The following CPNE4 variants were observed in gnomAD, a reference collection of about 807,000 sequenced individuals.
CPNE4 encodes copine-4.
A neutral mutation model predicts 67.9 loss-of-function variants in CPNE4; 25 were observed. That is an observed-to-expected ratio of 0.37 (90% confidence interval 0.27 to 0.51). The LOEUF (loss-of-function observed/expected upper bound fraction) is 0.51. Among genes scored for constraint, CPNE4 ranks in the 20% least tolerant of loss-of-function variants. The pLI, the probability that CPNE4 is intolerant of heterozygous loss-of-function variation, is 0.93. For missense variants in CPNE4, 464 were observed against 690.8 expected (o/e 0.67, Z 3.68); for synonymous variants, 242 against 244.9 (o/e 0.99, Z 0.11).
At chr3:131,788,240 A>C (rs1164076734) in intron 2 of CPNE4, among the ~76,000 whole-genome samples, 1 of 149,114 alleles carries the variant, frequency 6.7e-6, no homozygotes, top group African/African-American at 2.5e-5. Context: ...AAGACAAATA[A>C]ACAATTGAAA....
At chr3:132,013,095 C>A (rs1014138263) in intron 1 of CPNE4, among the ~76,000 whole-genome samples, 2 of 151,932 alleles carry the variant, frequency 1.3e-5, no homozygotes, top group Non-Finnish European at 2.9e-5. Flanking sequence ...TAGGGGTGGA[C>A]GCCTGTAATC....
At chr3:131,632,755 T>C (rs1278575929) in intron 7 of CPNE4, among the ~76,000 whole-genome samples, 1 of 152,166 alleles carries the variant, frequency 6.6e-6, no homozygotes, top group African/African-American at 2.4e-5. Flanking sequence ...TTTTCTTCTC[T>C]TATGCTCAGG....
intron 11 of CPNE4, among the ~76,000 whole-genome samples, chr3:131,556,757 C>T (rs1936478387): frequency 6.6e-6 from 1 of 152,104 alleles, no homozygotes; most frequent in South Asian, 2.1e-4. Context: ...ATCTTATGCA[C>T]ACTGGAGTTT....
intron 2 of CPNE4, among the ~76,000 whole-genome samples, chr3:131,736,092 C>A (rs1266244382): frequency 6.6e-6 from 1 of 152,190 alleles, no homozygotes; most frequent in African/African-American, 2.4e-5. Flanking sequence ...TTAAGTAGGG[C>A]CACACAGCTT....
intron 6 of CPNE4, among the ~76,000 whole-genome samples, chr3:131,680,066 C>CT (rs2107671343): frequency 6.6e-6 from 1 of 152,186 alleles, no homozygotes; most frequent in East Asian, 1.9e-4. Context: ...GTCTAAATCT[C>CT]TTTGAAGGTC....
intron 7 of CPNE4, among the ~76,000 whole-genome samples, chr3:131,631,619 G>A (rs2107778417): frequency 6.6e-6 from 1 of 152,162 alleles, no homozygotes; most frequent in South Asian, 2.1e-4. Flanking sequence ...TTTTTCTTCA[G>A]TTAATAATAA....
intron 2 of CPNE4, among the ~76,000 whole-genome samples, chr3:131,735,792 T>C (rs2082221597): frequency 6.6e-6 from 1 of 152,244 alleles, no homozygotes; most frequent in African/African-American, 2.4e-5. Flanking sequence ...CAGTATTTTT[T>C]ATTATATTAA....
intron 2 of CPNE4, among the ~76,000 whole-genome samples, chr3:131,802,929 ACTTTAATGC>A (rs1203303910): frequency 2.0e-5 from 3 of 152,182 alleles, no homozygotes; most frequent in African/African-American, 7.2e-5. Context: ...CTAAATTGGC[ACTTTAATGC>A]CTTGGGTTTT....
At chr3:132,030,310 A>C (rs1447674056) in intron 1 of CPNE4, among the ~76,000 whole-genome samples, 4 of 152,156 alleles carry the variant, frequency 2.6e-5, no homozygotes, top group African/African-American at 7.2e-5. Context: ...CATTTGTCAA[A>C]TTAAATTGCT....
rs1935042280 is a variant in CPNE4 at position 131,534,783 on chromosome 3, C to T, written c.*412G>A. On this transcript the variant is annotated 3_prime_UTR_variant, in exon 16 of 16. Coordinates refer to ENST00000429747, the MANE Select transcript of CPNE4 (RefSeq NM_130808.3). The stretch of plus-strand genomic sequence containing the variant: ...CCATGCATCTGCCATTTTAAAAAGT[C>T]TCTCATCCTATAGCAGATAAAACCA... 6.5e-6 allele frequency: 1 copy of T among 154,002 alleles called. No individual in the cohort carries two copies. The highest frequency in any genetic ancestry group is 1.4e-5 in the Non-Finnish European group (1 of 69,076). The allele number at this position is 154,002 out of a possible 1,614,324, so 9.5% of individuals were successfully genotyped here.
rs745997526 is a variant in CPNE4, at chr3:131,542,779, C to T, written c.1317G>A (p.Leu439=). 3 of 1,611,792 alleles carry T rather than the reference C, an allele frequency of 1.9e-6. No homozygotes were observed. In the South Asian group the frequency reaches 3.3e-5, roughly 18 times the overall value. ...NTKEASQYFI[L]LILTDGVITD... is the part of the protein sequence containing the mutation. ...TGATAACACCATCTGTCAGGATCAG[C>T]AGGATGAAGTATTGCTGCAGTCAGA... Residue 439 remains leucine (L), a synonymous_variant, in exon 15 of 16, where the codon CTG becomes CTA. Transcript: ENST00000429747.
intron 1 of CPNE4, among the ~76,000 whole-genome samples, chr3:132,020,905 T>C (rs919151618): frequency 5.9e-5 from 9 of 152,192 alleles, no homozygotes; most frequent in African/African-American, 2.2e-4. Flanking sequence ...TCAACCCCAC[T>C]TCCATAAGCC....
chr3:131,767,023 G>A (rs1284900000), intron 2 of CPNE4, among the ~76,000 whole-genome samples: 1 of 152,154 alleles, frequency 6.6e-6, no homozygotes, highest in Non-Finnish European at 1.5e-5. Context: ...TGTTGTTGAA[G>A]CAGGGTTTTA....
chr3:131,820,638 G>A (rs2084928165), intron 2 of CPNE4, among the ~76,000 whole-genome samples: 1 of 152,132 alleles, frequency 6.6e-6, no homozygotes, highest in African/African-American at 2.4e-5. Flanking sequence ...AGAAGTTCTG[G>A]TATCCAGAAA....
chr3:131,732,233 A>G (rs2082143922), intron 2 of CPNE4, among the ~76,000 whole-genome samples: 1 of 152,216 alleles, frequency 6.6e-6, no homozygotes, highest in Non-Finnish European at 1.5e-5. Context: ...ACTATAGGAC[A>G]TAAGGAATGA....
intron 2 of CPNE4, among the ~76,000 whole-genome samples, chr3:131,801,695 A>G (rs1412328395): frequency 6.7e-6 from 1 of 150,326 alleles, no homozygotes; most frequent in Non-Finnish European, 1.5e-5. Context: ...AGTGCTTTCC[A>G]AAACTGGGCA....
chr3:131,749,129 T>C (rs2082561655), intron 2 of CPNE4, among the ~76,000 whole-genome samples: 1 of 152,152 alleles, frequency 6.6e-6, no homozygotes, highest in Non-Finnish European at 1.5e-5. Context: ...GATTTTGATG[T>C]TGTATTTTCA....
At chr3:131,881,895 C>T (rs1291613375) in intron 2 of CPNE4, among the ~76,000 whole-genome samples, 8 of 152,132 alleles carry the variant, frequency 5.3e-5, no homozygotes, top group Admixed American at 5.2e-4. Flanking sequence ...AACTCATCAC[C>T]ATAATTTCTA....
chr3:131,971,814 A>G (rs2072511273), intron 1 of CPNE4, among the ~76,000 whole-genome samples: 1 of 152,148 alleles, frequency 6.6e-6, no homozygotes, highest in South Asian at 2.1e-4. Context: ...CCTGTAGCTG[A>G]GCTAAGGCCA....
Sources: gnomAD v4.1 joint callset for allele counts (sites outside exome capture counted in the v4.1 genomes callset) on GRCh38, gnomAD v4.1.1 for gene constraint, MANE v1.5 for transcripts, NCBI Gene and HGNC (gene_info 2026-07-23, HGNC 2026-07-21) for gene names.